The following CAMK2A variants were observed in gnomAD, a reference collection of about 807,000 sequenced individuals.
The protein encoded by CAMK2A is calcium/calmodulin-dependent protein kinase type II subunit alpha.
A neutral mutation model predicts 79.2 loss-of-function variants in CAMK2A; 7 were observed. That is an observed-to-expected ratio of 0.09 (90% CI 0.05 to 0.17). The LOEUF is 0.17. Ranked by LOEUF, CAMK2A falls within the 10% of genes least tolerant of loss-of-function variation. The probability of loss-of-function intolerance (pLI) is 1.00; values close to 1 mark genes in which losing one functional copy is unlikely to be tolerated. For missense variants in CAMK2A, 214 were observed against 646.4 expected (o/e 0.33, Z 7.25); for synonymous variants, 242 against 251.7 (o/e 0.96, Z 0.36).
intron 12 of CAMK2A, 109 bp from the exon 13 acceptor site, chr5:150,245,310 C>A: frequency 1.0e-6 from 1 of 965,660 alleles, no homozygotes; most frequent in Admixed American, 2.0e-5. Flanking sequence ...CTGCAGGGAG[C>A]AGAGCTGGCC....
Position 150,253,493 on chromosome 5 carries a change from T to C in CAMK2A, c.465A>G (p.Ala155=), listed in dbSNP as rs1291902310. Residue 155 remains alanine (A), a synonymous_variant, in exon 7 of 19, where the codon GCA becomes GCG. Transcript: ENST00000671881. The stretch of plus-strand genomic sequence containing the variant: ...CCACCTCTATGGCCAGGCCAAAGTC[T>C]GCCAGCTTCACTGCGGCACCCTTGA... The part of the protein sequence containing the change: ...SKLKGAAVKL[A]DFGLAIEVEG... 3 of 1,614,112 alleles carry C rather than the reference T, an allele frequency of 1.9e-6. No homozygotes were observed.
intron 11 of CAMK2A, among the ~76,000 whole-genome samples, chr5:150,249,618 A>G (rs894495050): frequency 4.0e-5 from 6 of 149,462 alleles, no homozygotes; most frequent in African/African-American, 9.9e-5. Flanking sequence ...GCACGATCTC[A>G]CTCACTGCAA....
Position 150,256,926 on chromosome 5 carries a change from A to C in CAMK2A, c.273-95T>G, listed in dbSNP as rs1756084067. 9.0e-6 allele frequency: 9 copies of C among 995,596 alleles called. No individual in the cohort carries two copies. Among genetic ancestry groups the C allele is most frequent in the Non-Finnish European group, 1.3e-5 (9 of 674,964 alleles). 61.7% of individuals were successfully genotyped at this position (995,596 alleles called of 1,614,324 possible). A position where few individuals can be genotyped will look rare whatever the true frequency, so the allele number is the denominator to read the frequency against. The stretch of plus-strand genomic sequence containing the variant: ...AGGAAACTAAGGATGGGGCCCAGGG[A>C]CCTCAGGACCTCAGCCACAAAAGGA... On this transcript the variant is annotated intron_variant, in intron 4 of 18. Transcript: ENST00000671881. The surrounding 1 kb of genome is among the most constrained non-coding windows in gnomAD (Gnocchi z 4.6).
chr5:150,222,811 GT>G lies in CAMK2A; in HGVS notation c.1467-99del, dbSNP rs1467007002. The G allele has an allele frequency of 2.0e-6, 3 of 1,499,722 alleles. No homozygotes were observed. In the African/African-American group the frequency reaches 4.1e-5, roughly 21 times the overall value. 92.9% of individuals were successfully genotyped at this position (1,499,722 alleles called of 1,614,324 possible). Reference sequence around the variant, plus strand: ...TTAGATGGAGTCCATGCGGTCCCTGGTGGCTCCTGCCCAGCTCTTCCCCCAG... The same window carrying G: ...TTAGATGGAGTCCATGCGGTCCCTGGGGCTCCTGCCCAGCTCTTCCCCCAG... On this transcript the variant is annotated intron_variant, in intron 18 of 18. Coordinates refer to ENST00000671881, the MANE Select transcript of CAMK2A (RefSeq NM_015981.4).
chr5:150,264,589 C>T (rs1185566115), intron 3 of CAMK2A, among the ~76,000 whole-genome samples: 1 of 152,188 alleles, frequency 6.6e-6, no homozygotes, highest in Non-Finnish European at 1.5e-5. Context: ...AGGGCAGGGC[C>T]ACGGTGCCAG....
chr5:150,224,187 C>T (rs1222841559), intron 17 of CAMK2A, among the ~76,000 whole-genome samples: 4 of 152,104 alleles, frequency 2.6e-5, no homozygotes, highest in South Asian at 2.1e-4. Flanking sequence ...TCTAGAAACT[C>T]GATGTTTTCC....
chr5:150,230,144 C>T (rs1024141699), intron 16 of CAMK2A, among the ~76,000 whole-genome samples: 1 of 151,920 alleles, frequency 6.6e-6, no homozygotes, highest in Non-Finnish European at 1.5e-5. Flanking sequence ...ATGGTGAAAC[C>T]CCGTCTCTAC....
rs56714704 is a variant in CAMK2A at position 150,267,905 on chromosome 5, G to T, written c.158-2890C>A. Among the ~76,000 whole-genome samples, 714 of 140,230 alleles carry T rather than the reference G, an allele frequency of 5.1e-3. 7 individuals are homozygous for T. The highest frequency in any genetic ancestry group is 0.019 in the African/African-American group (692 of 36,904). 92.0% of individuals were successfully genotyped at this position (140,230 alleles called of 152,430 possible). ...TTTTTTTTTTTTGAGACAGAGTCTC[G>T]CTGTGTCGGCCAGACTGGAGTGCAG... On this transcript the variant is annotated intron_variant, in intron 2 of 18. Coordinates refer to ENST00000671881, the MANE Select transcript of CAMK2A (RefSeq NM_015981.4).
In CAMK2A at chr5:150,223,699, A is replaced by G. The variant is rs556726536; in HGVS notation, c.1238-482T>C. ...TGTGGCGAATAGAATGTCTTGTCCC[A>G]CCTAAAGAGGGCATCCTGCACACAG... On this transcript the variant is annotated intron_variant, in intron 17 of 18. Coordinates refer to ENST00000671881, the MANE Select transcript of CAMK2A (RefSeq NM_015981.4). The surrounding 1 kb of genome is among the most constrained non-coding windows in gnomAD (Gnocchi z 4.1). 6.6e-6 allele frequency among the ~76,000 whole-genome samples: 1 copy of G among 152,268 alleles called. No individual in the cohort carries two copies. The highest frequency in any genetic ancestry group is 1.9e-4 in the East Asian group (1 of 5,184).
chr5:150,274,388 T>TTAAA (rs1010580695), intron 1 of CAMK2A, among the ~76,000 whole-genome samples: 33 of 152,220 alleles, frequency 2.2e-4, no homozygotes, highest in African/African-American at 7.7e-4. Flanking sequence ...TTCCCAATTT[T>TTAAA]TAAATATTGG....
chr5:150,238,820 C>T, intron 14 of CAMK2A, 72 bp from the exon 15 acceptor site: 1 of 1,327,784 alleles, frequency 7.5e-7, no homozygotes, highest in South Asian at 1.5e-5. Context: ...GCCCTGGCTG[C>T]CTGGTGACGC....
Position 150,256,918 on chromosome 5 carries a change from GC to G in CAMK2A, c.273-88del. ...GAGTCTCCAGGAAACTAAGGATGGGGCCCAGGGACCTCAGGACCTCAGCCAC... is the reference window on the plus strand; with the variant it reads ...GAGTCTCCAGGAAACTAAGGATGGGGCCAGGGACCTCAGGACCTCAGCCAC... On this transcript the variant is annotated intron_variant, in intron 4 of 18. Coordinates refer to ENST00000671881, the MANE Select transcript of CAMK2A (RefSeq NM_015981.4). This position sits in a 1 kb window ranked among gnomAD's most constrained non-coding sequence, Gnocchi z 4.6. 8.4e-7 allele frequency: 1 copy of G among 1,185,500 alleles called. No homozygotes were observed. The highest frequency in any genetic ancestry group is 2.0e-4 in the Middle Eastern group (1 of 4,890). 73.4% of individuals were successfully genotyped at this position (1,185,500 alleles called of 1,614,324 possible).
chr5:150,285,182 C>A (rs1757373853), intron 1 of CAMK2A, among the ~76,000 whole-genome samples: 1 of 152,296 alleles, frequency 6.6e-6, no homozygotes, highest in African/African-American at 2.4e-5. Flanking sequence ...CAGCAGTCTT[C>A]CCCCGATATG....
At chr5:150,225,583 G>C (rs1444747605) in intron 17 of CAMK2A, among the ~76,000 whole-genome samples, 2 of 152,174 alleles carry the variant, frequency 1.3e-5, no homozygotes, top group African/African-American at 4.8e-5. Flanking sequence ...CCTTAGCCTG[G>C]TCCCTGCTTT....
chr5:150,279,249 A>C (rs1235912052), intron 1 of CAMK2A, among the ~76,000 whole-genome samples: 1 of 152,170 alleles, frequency 6.6e-6, no homozygotes, highest in Non-Finnish European at 1.5e-5. Flanking sequence ...TATTTTATTT[A>C]ATCTAAATAA....
chr5:150,250,375 A>G (rs538427266), intron 10 of CAMK2A, 66 bp from the exon 11 acceptor site: 5 of 1,339,908 alleles, frequency 3.7e-6, no homozygotes, highest in Non-Finnish European at 5.4e-6. Context: ...ACCCAAGGGT[A>G]CCCTTCAGCA....
intron 11 of CAMK2A, among the ~76,000 whole-genome samples, chr5:150,249,040 G>T (rs1305064875): frequency 2.0e-5 from 3 of 152,218 alleles, no homozygotes; most frequent in Non-Finnish European, 4.4e-5. Flanking sequence ...GCAGGATGGG[G>T]ATGGGACTCA....
Position 150,220,345 on chromosome 5 carries a change from CAG to C in CAMK2A, c.*2363_*2364del, listed in dbSNP as rs1414296543. On this transcript the variant is annotated 3_prime_UTR_variant, in exon 19 of 19. Transcript: ENST00000671881. ...GTTGACAGGCACCGACGAGGGGAAT[CAG>C]GGGCAGGTGGGGGAGGGGATGGAGC... is the stretch of plus-strand genomic sequence containing the variant. 6.6e-6 allele frequency: 1 copy of C among 152,360 alleles called. No homozygotes were observed. Among genetic ancestry groups the C allele is most frequent in the Non-Finnish European group, 1.5e-5 (1 of 68,048 alleles). 9.4% of individuals were successfully genotyped at this position (152,360 alleles called of 1,614,324 possible).
chr5:150,265,170 G>A (rs571126610), intron 2 of CAMK2A, 155 bp from the exon 3 acceptor site: 1 of 651,616 alleles, frequency 1.5e-6, no homozygotes, highest in South Asian at 1.7e-5. Flanking sequence ...AGTTCTCCAG[G>A]AAGACCATGG....
Sources: allele counts gnomAD v4.1 joint callset (sites outside exome capture counted in the v4.1 genomes callset), GRCh38; gene constraint gnomAD v4.1.1; non-coding constraint Gnocchi (gnomAD v3.1); transcripts MANE v1.5; gene names NCBI Gene and HGNC (gene_info 2026-07-23, HGNC 2026-07-21).